RRP1B: variants seen among roughly 807,000 people sequenced by gnomAD.
The protein encoded by RRP1B is ribosomal RNA processing 1B.
In RRP1B, 56 loss-of-function variants were observed where a neutral mutation model predicts 80.2. That is an observed-to-expected ratio of 0.70 (90% confidence interval 0.56 to 0.87). The LOEUF is 0.87. RRP1B is among the 40% of genes least tolerant of loss of function. The probability of loss-of-function intolerance (pLI) is 0.00; values close to 1 mark genes in which losing one functional copy is unlikely to be tolerated. For missense variants in RRP1B, 807 were observed against 939.8 expected (o/e 0.86, Z 1.85); for synonymous variants, 351 against 357.6 (o/e 0.98, Z 0.21).
chr21:43,675,187 C>T, intron 6 of RRP1B, 24 bp downstream of exon 6: 1 of 1,611,234 alleles, frequency 6.2e-7, no homozygotes, highest in Non-Finnish European at 8.5e-7. Context: ...GACAGGCTGC[C>T]CACGGGGTGA....
In RRP1B at chr21:43,687,947, C is replaced by T. The variant is rs764628626; in HGVS notation, c.1573C>T (p.Arg525Trp). 1.2e-5 allele frequency: 19 copies of T among 1,613,142 alleles called. No homozygotes were observed. The highest frequency in any genetic ancestry group is 4.5e-5 in the East Asian group (2 of 44,902). The change falls in exon 13 of 16, where the codon CGG (arginine) becomes TGG (tryptophan). Residue 525 changes from arginine to tryptophan, a missense_variant. Arg to Trp is a moderately radical substitution (Grantham distance 101). Coordinates refer to ENST00000340648, the MANE Select transcript of RRP1B (RefSeq NM_015056.3). Reference sequence around the variant, plus strand: ...TGGAGCCCAACTCCTAAAAAGGAAGCGGAAACTTGGAGTTGTGCCCGTCAA... The same window carrying T: ...TGGAGCCCAACTCCTAAAAAGGAAGTGGAAACTTGGAGTTGTGCCCGTCAA... ...TGGAQLLKRK[R>W]KLGVVPVNGS...
chr21:43,688,271 C>T, intron 13 of RRP1B, 31 bp downstream of exon 13: 1 of 1,492,856 alleles, frequency 6.7e-7, no homozygotes. Context: ...GGCCAGCTCG[C>T]CACAGAGGCA....
intron 1 of RRP1B, among the ~76,000 whole-genome samples, chr21:43,663,234 A>G (rs943727968): frequency 6.6e-6 from 1 of 152,096 alleles, no homozygotes; most frequent in African/African-American, 2.4e-5. Flanking sequence ...ACATGTCTAC[A>G]TGTCTCACTT....
At chr21:43,674,824 A>AT (rs1331251490) in intron 5 of RRP1B, 127 bp downstream of exon 5, 2 of 1,052,296 alleles carry the variant, frequency 1.9e-6, no homozygotes, top group African/African-American at 1.6e-5. Flanking sequence ...GAGAATTGAA[A>AT]TCCAGTAGAA....
At position 43,686,893 on chromosome 21, in the gene RRP1B, G is replaced by A. The variant is rs748158685; in HGVS notation, c.1099G>A (p.Gly367Arg). The A allele has an allele frequency of 1.9e-6, 3 of 1,613,930 alleles. No homozygotes were observed. The Admixed American group carries it at 5.0e-5, about 27-fold the overall frequency. The change falls in exon 12 of 16, where the codon GGA becomes AGA. Residue 367 changes from glycine (G) to arginine (R), a missense_variant. Physicochemically the swap from Gly to Arg is moderately radical, Grantham distance 125 (BLOSUM62 -2). Coordinates refer to ENST00000340648, the MANE Select transcript of RRP1B (RefSeq NM_015056.3). Reference sequence around the variant, plus strand: ...CAGTCAAGGAAAGCATAAGAAGAAAGGAAATAAACTTTTAGAGAAAACTAA... The same window carrying A: ...CAGTCAAGGAAAGCATAAGAAGAAAAGAAATAAACTTTTAGAGAAAACTAA... ...ILSQGKHKKKGNKLLEKTNLE... is the reference protein window; with the variant it reads ...ILSQGKHKKKRNKLLEKTNLE...
intron 4 of RRP1B, 55 bp from the exon 5 acceptor site, chr21:43,674,581 C>A: frequency 1.2e-6 from 1 of 837,710 alleles, no homozygotes; most frequent in Non-Finnish European, 1.7e-6. Context: ...TATTTCTTAC[C>A]TTTCCTTTTT....
chr21:43,690,201 C>T (rs1422152015), intron 13 of RRP1B, 87 bp from the exon 14 acceptor site: 18 of 1,490,726 alleles, frequency 1.2e-5, no homozygotes, highest in Non-Finnish European at 1.5e-5. Context: ...CTGCCTGGGG[C>T]TCTGCCTTCC....
chr21:43,693,270 C>T lies in RRP1B; in HGVS notation c.2164C>T (p.Leu722Phe), dbSNP rs1264757499. ...GGCCTTCGACCCTGAACAGAAGCCC[C>T]TCCACGGGGTGCTGAAGACCCCCAC... ...RVAFDPEQKP[L>F]HGVLKTPTSS... is the part of the protein sequence containing the mutation. Residue 722 changes from leucine (L) to phenylalanine (F), a missense_variant, in exon 16 of 16, where the codon CTC (leucine) becomes TTC (phenylalanine). Leu to Phe is a conservative substitution (Grantham distance 22). Coordinates refer to ENST00000340648, the MANE Select transcript of RRP1B (RefSeq NM_015056.3). The surrounding 1 kb of genome is among the most constrained non-coding windows in gnomAD (Gnocchi z 4.1). 3.1e-6 allele frequency: 5 copies of T among 1,614,068 alleles called. No homozygotes were observed. Among genetic ancestry groups the T allele is most frequent in the Non-Finnish European group, 3.4e-6 (4 of 1,180,010 alleles).
chr21:43,678,957 G>A (rs1306802293), intron 8 of RRP1B, among the ~76,000 whole-genome samples: 2 of 152,220 alleles, frequency 1.3e-5, no homozygotes, highest in East Asian at 3.9e-4. Flanking sequence ...TGAGAGATGA[G>A]GATCCAGTTT....
intron 4 of RRP1B, among the ~76,000 whole-genome samples, 159 bp from the exon 5 acceptor site, chr21:43,674,477 A>G (rs2083012929): frequency 6.6e-6 from 1 of 151,882 alleles, no homozygotes; most frequent in Non-Finnish European, 1.5e-5. Flanking sequence ...TTTTTGATCT[A>G]GAAGGTAAAT....
intron 11 of RRP1B, chr21:43,686,293 T>C (rs1483131530): frequency 6.3e-6 from 1 of 159,704 alleles, no homozygotes; most frequent in Non-Finnish European, 1.4e-5. Flanking sequence ...TTTGGTTTGG[T>C]TTTTATTATT....
chr21:43,668,337 T>G (rs2082986579), intron 1 of RRP1B, among the ~76,000 whole-genome samples: 1 of 151,410 alleles, frequency 6.6e-6, no homozygotes, highest in Non-Finnish European at 1.5e-5. Context: ...CAAACTTTGG[T>G]CCATTAAAAG....
intron 2 of RRP1B, among the ~76,000 whole-genome samples, chr21:43,670,797 C>A (rs2082996539): frequency 6.6e-6 from 1 of 152,162 alleles, no homozygotes; most frequent in Non-Finnish European, 1.5e-5. Context: ...GGTAGAGGAA[C>A]CAGCCTTGAG....
At position 43,687,941 on chromosome 21, in the gene RRP1B, A is replaced by T; in HGVS notation, c.1567A>T (p.Arg523Trp). Residue 523 changes from arginine to tryptophan, a missense_variant, in exon 13 of 16, where the codon AGG becomes TGG. By Grantham distance (101) the Arg-to-Trp change is moderately radical. Transcript: ENST00000340648. The part of the protein sequence containing the change: ...SPTGGAQLLK[R>W]KRKLGVVPVN... ...GACAGGTGGAGCCCAACTCCTAAAA[A>T]GGAAGCGGAAACTTGGAGTTGTGCC... 6.2e-7 allele frequency: 1 copy of T among 1,613,288 alleles called. No individual in the cohort carries two copies. The highest frequency in any genetic ancestry group is 8.5e-7 in the Non-Finnish European group (1 of 1,180,050).
chr21:43,687,222 G>A (rs1246490421), intron 12 of RRP1B, among the ~76,000 whole-genome samples: 8 of 152,264 alleles, frequency 5.3e-5, no homozygotes, highest in East Asian at 1.9e-4. Context: ...ATGACCACTC[G>A]AGATCTATGG....
chr21:43,677,990 T>G (rs565725248), intron 8 of RRP1B, among the ~76,000 whole-genome samples: 1 of 152,254 alleles, frequency 6.6e-6, no homozygotes, highest in African/African-American at 2.4e-5. Context: ...CTTTTTCATA[T>G]AGTGGCTTCT....
chr21:43,687,019 G>A (rs530975261), intron 12 of RRP1B, 84 bp downstream of exon 12: 388 of 1,447,996 alleles, frequency 2.7e-4, no homozygotes, highest in Non-Finnish European at 3.4e-4. Context: ...ACTTGAGCTC[G>A]TGCCGTCATA....
At chr21:43,676,452 C>A in intron 7 of RRP1B, 116 bp downstream of exon 7, 1 of 813,750 alleles carries the variant, frequency 1.2e-6, no homozygotes, top group Non-Finnish European at 2.0e-6. Flanking sequence ...CAGAGAGCGG[C>A]TGGAGAAGAC....
chr21:43,667,001 A>G (rs1356532712), intron 1 of RRP1B, among the ~76,000 whole-genome samples: 1 of 151,320 alleles, frequency 6.6e-6, no homozygotes, highest in African/African-American at 2.4e-5. Context: ...TGTATTTCCT[A>G]TAAACTAATA....
Sources: gnomAD v4.1 joint callset for allele counts (sites outside exome capture counted in the v4.1 genomes callset) on GRCh38, gnomAD v4.1.1 for gene constraint, Gnocchi (gnomAD v3.1) non-coding constraint, MANE v1.5 for transcripts, NCBI Gene and HGNC (gene_info 2026-07-23, HGNC 2026-07-21) for gene names.